PDE7A: variants seen among roughly 807,000 people sequenced by gnomAD.
The protein encoded by PDE7A is phosphodiesterase 7A, also known as high affinity 3',5'-cyclic-AMP phosphodiesterase 7A.
In PDE7A, 39 loss-of-function variants were observed where a neutral mutation model predicts 64.3. The ratio of observed to expected loss-of-function variants is 0.61; its 90% CI spans 0.47 to 0.79. The LOEUF is 0.79. PDE7A is among the 30% of genes least tolerant of loss of function. PDE7A has a pLI of 0.00. For missense variants in PDE7A, 470 were observed against 582.8 expected, an observed-to-expected ratio of 0.81 and a Z score of 1.99; for synonymous variants, 203 against 206.8, an observed-to-expected ratio of 0.98 and a Z score of 0.16.
intron 12 of PDE7A, among the ~76,000 whole-genome samples, chr8:65,720,048 A>C (rs936440450): frequency 1.3e-5 from 2 of 152,238 alleles, no homozygotes; most frequent in Non-Finnish European, 2.9e-5. Context: ...AGTCAGTCTA[A>C]AAATAACAGG....
intron 3 of PDE7A, among the ~76,000 whole-genome samples, chr8:65,751,013 A>G (rs1022172282): frequency 2.0e-5 from 3 of 152,208 alleles, no homozygotes; most frequent in Non-Finnish European, 4.4e-5. Flanking sequence ...TCACTTAATG[A>G]TATAGGACCA....
In PDE7A at chr8:65,731,852, C is replaced by A. The variant is rs565035886; in HGVS notation, c.696+2942G>T. On this transcript the variant is annotated intron_variant, in intron 7 of 12. Transcript: ENST00000401827. Reference sequence around the variant, plus strand: ...TACTTAAGTCTATTTACTATTCCCTCTGTACTTGGACTTTCTTATGGCTGA... The same window carrying A: ...TACTTAAGTCTATTTACTATTCCCTATGTACTTGGACTTTCTTATGGCTGA... Among the ~76,000 whole-genome samples the A allele has an allele frequency of 3.9e-5, 6 of 152,270 alleles. No individual in the cohort carries two copies. In the East Asian group the frequency reaches 9.6e-4, roughly 24 times the overall value.
At chr8:65,733,381 A>G (rs1415671243) in intron 7 of PDE7A, among the ~76,000 whole-genome samples, 2 of 152,134 alleles carry the variant, frequency 1.3e-5, no homozygotes, top group African/African-American at 4.8e-5. Context: ...ACCAGATTGT[A>G]TGGTGATTAC....
intron 3 of PDE7A, among the ~76,000 whole-genome samples, chr8:65,775,509 C>A (rs932835821): frequency 3.3e-5 from 5 of 152,214 alleles, no homozygotes; most frequent in Non-Finnish European, 7.4e-5. Flanking sequence ...CTCTTTGACC[C>A]AAGAAGTACT....
chr8:65,727,437 T>C, intron 7 of PDE7A, 136 bp from the exon 8 acceptor site: 3 of 1,244,022 alleles, frequency 2.4e-6, no homozygotes, highest in South Asian at 1.5e-5. Flanking sequence ...CAGGTGGTTG[T>C]TCATTAGGTT....
intron 1 of PDE7A, among the ~76,000 whole-genome samples, chr8:65,788,242 A>C (rs1410236367): frequency 6.6e-6 from 1 of 152,152 alleles, no homozygotes; most frequent in African/African-American, 2.4e-5. Flanking sequence ...CAAAGAGTAT[A>C]ATTTTAAATA....
At chr8:65,730,168 CTTCTT>C (rs1563473719) in intron 7 of PDE7A, among the ~76,000 whole-genome samples, 7 of 31,676 alleles carry the variant, frequency 2.2e-4, no homozygotes, top group African/African-American at 1.5e-3. Flanking sequence ...AGGTTGCGCA[CTTCTT>C]TTTTTTTTTT....
intron 1 of PDE7A, among the ~76,000 whole-genome samples, chr8:65,795,802 A>C (rs1205032006): frequency 2.6e-5 from 4 of 152,176 alleles, no homozygotes; most frequent in Admixed American, 6.5e-5. Context: ...AGGGAAAATA[A>C]AAAAGTCACC....
At chr8:65,728,961 T>A (rs1469345342) in intron 7 of PDE7A, among the ~76,000 whole-genome samples, 1 of 151,810 alleles carries the variant, frequency 6.6e-6, no homozygotes, top group Non-Finnish European at 1.5e-5. Context: ...AAATCACACA[T>A]GCAAAAAAAT....
At chr8:65,789,713 CA>C (rs1486319776) in intron 1 of PDE7A, among the ~76,000 whole-genome samples, 3 of 152,168 alleles carry the variant, frequency 2.0e-5, no homozygotes, top group African/African-American at 7.2e-5. Flanking sequence ...TGCTTCTATT[CA>C]TCCATCTTCA....
chr8:65,746,097 A>AT (rs374802114), intron 4 of PDE7A, among the ~76,000 whole-genome samples: 20,443 of 141,244 alleles, frequency 0.14, 1,867 homozygotes, highest in Middle Eastern at 0.22. Context: ...TACCTGGCTA[A>AT]TTTTTTTTTT....
At position 65,718,665 on chromosome 8, in the gene PDE7A, T is replaced by C. The variant is rs17395656; in HGVS notation, c.*625A>G. The C allele has an allele frequency of 0.041, 6,339 of 152,786 alleles. 195 individuals carry two copies. The highest frequency in any genetic ancestry group is 0.062 in the Non-Finnish European group (4,268 of 68,428). 9.5% of individuals were successfully genotyped at this position (152,786 alleles called of 1,614,324 possible). ...GTTTCCAGTGCATGAAATAAAACTA[T>C]AGCAAATGGGAGGCTTTGGTGGCAT... On this transcript the variant is annotated 3_prime_UTR_variant, in exon 13 of 13. Transcript: ENST00000401827.
rs1313478094 is a variant in PDE7A at position 65,714,607 on chromosome 8, C to A, written c.*4683G>T. The A allele has an allele frequency of 6.6e-6, 1 of 152,166 alleles. No homozygotes were observed. The highest frequency in any genetic ancestry group is 1.5e-5 in the Non-Finnish European group (1 of 68,026). The allele number at this position is 152,166 out of a possible 1,614,324, so 9.4% of individuals were successfully genotyped here. On this transcript the variant is annotated 3_prime_UTR_variant, in exon 13 of 13. Coordinates refer to ENST00000401827, the MANE Select transcript of PDE7A (RefSeq NM_001242318.3). ...GCTACAGTGATTAATATGCACATTTCTTTGAAAGCAATACTGAATTCCTAT... is the reference window on the plus strand; with the variant it reads ...GCTACAGTGATTAATATGCACATTTATTTGAAAGCAATACTGAATTCCTAT...
intron 12 of PDE7A, chr8:65,721,796 CA>C (rs1352687511): frequency 4.4e-4 from 65 of 146,512 alleles, no homozygotes; most frequent in African/African-American, 1.5e-3. Flanking sequence ...CTCTTTTGTC[CA>C]TTTTTTTTTT....
chr8:65,791,862 A>T (rs1203345620), intron 1 of PDE7A, among the ~76,000 whole-genome samples: 1 of 152,232 alleles, frequency 6.6e-6, no homozygotes, highest in Non-Finnish European at 1.5e-5. Flanking sequence ...TCTCAATGTC[A>T]TAAACCTAAT....
chr8:65,773,697 ATTTAT>A (rs1247378565), intron 3 of PDE7A, among the ~76,000 whole-genome samples: 1 of 151,960 alleles, frequency 6.6e-6, no homozygotes. Context: ...TGTCTTTTAG[ATTTAT>A]TTTATTTGCT....
chr8:65,773,430 A>G (rs1809168369), intron 3 of PDE7A, among the ~76,000 whole-genome samples: 1 of 152,180 alleles, frequency 6.6e-6, no homozygotes, highest in Admixed American at 6.5e-5. Flanking sequence ...TGAGATCGAG[A>G]GGATAATCTG....
At chr8:65,833,829 T>C (rs562196837) in intron 1 of PDE7A, among the ~76,000 whole-genome samples, 1 of 151,934 alleles carries the variant, frequency 6.6e-6, no homozygotes, top group African/African-American at 2.4e-5. Context: ...CCAGGCATGG[T>C]GGGGCATGCC....
intron 1 of PDE7A, among the ~76,000 whole-genome samples, chr8:65,783,415 G>A (rs1218652311): frequency 6.6e-6 from 1 of 152,082 alleles, no homozygotes; most frequent in East Asian, 1.9e-4. Context: ...AGCCAAGCCG[G>A]TCTCCTGGCT....
Sources: allele counts gnomAD v4.1 joint callset (sites outside exome capture counted in the v4.1 genomes callset), GRCh38; gene constraint gnomAD v4.1.1; transcripts MANE v1.5; gene names NCBI Gene and HGNC (gene_info 2026-07-23, HGNC 2026-07-21).